The following USH2A variants were observed in gnomAD, a reference collection of about 807,000 sequenced individuals.
USH2A encodes usherin, also known as Usher syndrome 2A (autosomal recessive, mild).
In USH2A, 443 loss-of-function variants were observed where a neutral mutation model predicts 538.9. That is an observed-to-expected ratio of 0.82 (90% CI 0.76 to 0.89). USH2A has a LOEUF of 0.89. Among genes scored for constraint, USH2A ranks in the 40% least tolerant of loss-of-function variants. USH2A has a pLI of 0.00. For synonymous variants in USH2A, 2,413 were observed against 2,273.5 expected (o/e 1.06, Z -1.75); for missense variants, 6,633 against 6,324.8 (o/e 1.05, Z -1.65).
chr1:215,721,363 T>C (rs1262540481), intron 61 of USH2A, among the ~76,000 whole-genome samples: 1 of 152,042 alleles, frequency 6.6e-6, no homozygotes, highest in Non-Finnish European at 1.5e-5. Flanking sequence ...GCATGAGCCA[T>C]CGCCCCCAGT....
chr1:215,679,402 G>A (rs1263886163), intron 62 of USH2A, among the ~76,000 whole-genome samples: 1 of 152,178 alleles, frequency 6.6e-6, no homozygotes, highest in Non-Finnish European at 1.5e-5. Context: ...GAAGGTAGTT[G>A]ATGAGGGCCT....
chr1:215,803,698 G>C, intron 49 of USH2A, among the ~76,000 whole-genome samples: 1 of 152,062 alleles, frequency 6.6e-6, no homozygotes, highest in Non-Finnish European at 1.5e-5. Flanking sequence ...CACGAAAATG[G>C]CCATACCGCC....
chr1:215,698,949 G>A (rs1297953883), intron 61 of USH2A, among the ~76,000 whole-genome samples: 1 of 152,094 alleles, frequency 6.6e-6, no homozygotes, highest in Non-Finnish European at 1.5e-5. Context: ...GGGTTTTTAT[G>A]GTTTTAGGTC....
In USH2A at chr1:216,402,445, T is replaced by C. The variant is rs138932449; in HGVS notation, c.651+16069A>G. On this transcript the variant is annotated intron_variant, in intron 3 of 71. Coordinates refer to ENST00000307340, the MANE Select transcript of USH2A (RefSeq NM_206933.4). ...GGTTTGAACTACACAGATTCACTTATATACAAATTTTCTTCTGCCTTTGCC... is the reference window on the plus strand; with the variant it reads ...GGTTTGAACTACACAGATTCACTTACATACAAATTTTCTTCTGCCTTTGCC... Among the ~76,000 whole-genome samples the C allele has an allele frequency of 2.7e-3, 409 of 152,202 alleles. 1 individual carries two copies. The highest frequency in any genetic ancestry group is 9.2e-3 in the African/African-American group (384 of 41,568).
intron 21 of USH2A, among the ~76,000 whole-genome samples, chr1:216,153,345 G>C (rs541175241): frequency 1.3e-5 from 2 of 152,136 alleles, no homozygotes; most frequent in Non-Finnish European, 2.9e-5. Flanking sequence ...GAGCCCAAAA[G>C]TTCTTGCCCT....
At chr1:215,844,658 T>A (rs1397392720) in intron 45 of USH2A, among the ~76,000 whole-genome samples, 162 bp from the exon 46 acceptor site, 1 of 152,222 alleles carries the variant, frequency 6.6e-6, no homozygotes. Flanking sequence ...AATTGGCTTA[T>A]TATACTCTCA....
chr1:216,334,892 G>GCAACTACA (rs2037940009), intron 4 of USH2A, among the ~76,000 whole-genome samples: 1 of 151,756 alleles, frequency 6.6e-6, no homozygotes, highest in South Asian at 2.1e-4. Context: ...CATGGAGAGA[G>GCAACTACA]CAACTACACA....
intron 35 of USH2A, among the ~76,000 whole-genome samples, chr1:215,981,691 G>A (rs1667756023): frequency 6.6e-6 from 1 of 152,036 alleles, no homozygotes; most frequent in East Asian, 1.9e-4. Flanking sequence ...ATCCATTTGA[G>A]GACTATCTAC....
At chr1:216,078,510 C>A in intron 26 of USH2A, 148 bp from the exon 27 acceptor site, 1 of 742,542 alleles carries the variant, frequency 1.3e-6, no homozygotes, top group African/African-American at 1.8e-5. Context: ...CCCTAAGTTT[C>A]TGCTTAGGAA....
intron 17 of USH2A, among the ~76,000 whole-genome samples, chr1:216,199,047 T>G (rs2034921290): frequency 6.6e-6 from 1 of 152,212 alleles, no homozygotes; most frequent in East Asian, 1.9e-4. Context: ...ATAAATGTTA[T>G]AGTCAATCTC....
intron 11 of USH2A, among the ~76,000 whole-genome samples, chr1:216,254,110 A>G (rs1311987168): frequency 6.6e-6 from 1 of 152,220 alleles, no homozygotes; most frequent in Non-Finnish European, 1.5e-5. Flanking sequence ...CTCTGCCACA[A>G]ATTAATAAAA....
At chr1:215,889,619 G>C (rs1665159005) in intron 40 of USH2A, among the ~76,000 whole-genome samples, 2 of 152,104 alleles carry the variant, frequency 1.3e-5, no homozygotes, top group South Asian at 4.1e-4. Context: ...GGCTGTGACA[G>C]AAGCTGCCGA....
In USH2A at chr1:216,046,490, C is replaced by T. The variant is rs2102524858; in HGVS notation, c.6266G>A (p.Cys2089Tyr). The T allele has an allele frequency of 6.2e-7, 1 of 1,613,816 alleles. No homozygotes were observed. Among genetic ancestry groups the T allele is most frequent in the Non-Finnish European group, 8.5e-7 (1 of 1,179,810 alleles). ...KKANGIITQY[C>Y]LYMDGRLIYS... ...GATCAGCCTCCCATCCATGTATAAACAGTACTGAGTTATAATACCATTTGC... is the reference window on the plus strand; with the variant it reads ...GATCAGCCTCCCATCCATGTATAAATAGTACTGAGTTATAATACCATTTGC... Residue 2089 changes from cysteine (C) to tyrosine (Y), a missense_variant, in exon 32 of 72, where the codon TGT (cysteine) becomes TAT (tyrosine). Coordinates refer to ENST00000307340, the MANE Select transcript of USH2A (RefSeq NM_206933.4).
intron 3 of USH2A, among the ~76,000 whole-genome samples, chr1:216,369,729 A>C (rs896328294): frequency 1.3e-5 from 2 of 151,286 alleles, no homozygotes; most frequent in African/African-American, 4.9e-5. Flanking sequence ...TGGCCAACAT[A>C]GTGAAACCCC....
chr1:215,851,118 G>A (rs1664005071), intron 44 of USH2A, among the ~76,000 whole-genome samples: 1 of 151,930 alleles, frequency 6.6e-6, no homozygotes, highest in South Asian at 2.1e-4. Flanking sequence ...GACAATCTAA[G>A]GTCACACCTC....
chr1:216,259,722 A>G (rs1453219324), intron 11 of USH2A, among the ~76,000 whole-genome samples: 1 of 152,128 alleles, frequency 6.6e-6, no homozygotes. Context: ...ATTGTCAGAA[A>G]AATATGCATC....
At chr1:216,340,491 T>G (rs56183214) in intron 4 of USH2A, among the ~76,000 whole-genome samples, 6 of 147,724 alleles carry the variant, frequency 4.1e-5, no homozygotes, top group African/African-American at 1.5e-4. Flanking sequence ...ACTCATTTTA[T>G]GAGGCCAGCA....
chr1:215,965,412 G>T lies in USH2A; in HGVS notation c.7025C>A (p.Ser2342Tyr), dbSNP rs1187620613. The part of the protein sequence containing the change: ...TVNVFVKTQG[S>Y]RKAHVRWEAP... The stretch of plus-strand genomic sequence containing the variant: ...TTCCCACCTCACGTGGGCTTTCCGG[G>T]ATCCCTGTGTTTTGACAAACACATT... The change falls in exon 37 of 72, where the codon TCC (serine) becomes TAC (tyrosine). Residue 2342 changes from serine (S) to tyrosine (Y), a missense_variant. Physicochemically the swap from Ser to Tyr is moderately radical, Grantham distance 144 (BLOSUM62 -2). Coordinates refer to ENST00000307340, the MANE Select transcript of USH2A (RefSeq NM_206933.4). The T allele has an allele frequency of 2.5e-6, 4 of 1,613,856 alleles. No homozygotes were observed. The highest frequency in any genetic ancestry group is 2.2e-5 in the South Asian group (2 of 91,062).
chr1:215,652,552 G>A (rs1230248944), intron 64 of USH2A, among the ~76,000 whole-genome samples: 4 of 152,110 alleles, frequency 2.6e-5, no homozygotes, highest in African/African-American at 4.8e-5. Flanking sequence ...GAATACAACT[G>A]CAGCTGCTCT....
Sources: gnomAD v4.1 joint callset for allele counts (sites outside exome capture counted in the v4.1 genomes callset) on GRCh38, gnomAD v4.1.1 for gene constraint, MANE v1.5 for transcripts, NCBI Gene and HGNC (gene_info 2026-07-23, HGNC 2026-07-21) for gene names.